The following CRIM1 variants were observed in gnomAD, a reference collection of about 807,000 sequenced individuals.
The protein encoded by CRIM1 is cysteine-rich motor neuron 1 protein.
CRIM1 carries 32 observed loss-of-function variants against 116.4 expected under a neutral mutation model. That is an observed-to-expected ratio of 0.27 (90% CI 0.21 to 0.37). The LOEUF is 0.37. Among genes scored for constraint, CRIM1 ranks in the 10% least tolerant of loss-of-function variants. The pLI is 1.00. For synonymous variants in CRIM1, 590 were observed against 509.2 expected, an observed-to-expected ratio of 1.16 and a Z score of -2.13; for missense variants, 1,331 against 1,354.8, an observed-to-expected ratio of 0.98 and a Z score of 0.28.
At chr2:36,378,364 G>A (rs1411170170) in intron 1 of CRIM1, 7 of 471,020 alleles carry the variant, frequency 1.5e-5, no homozygotes, top group East Asian at 6.9e-5. Context: ...TAGCTGCGGG[G>A]TATTGAATTT....
At position 36,402,397 on chromosome 2, in the gene CRIM1, C is replaced by T. The variant is rs914824150; in HGVS notation, c.505+5610C>T. Among the ~76,000 whole-genome samples, 3 of 135,030 alleles carry T rather than the reference C, an allele frequency of 2.2e-5. No homozygotes were observed. The Admixed American group carries it at 2.4e-4, about 11-fold the overall frequency. The allele number at this position is 135,030 out of a possible 152,430, so 88.6% of individuals were successfully genotyped here. A position where few individuals can be genotyped will look rare whatever the true frequency, so the allele number is the denominator to read the frequency against. ...GCAAAAGCTCTAAGGAGAGAACAAGCTTGGTGTGTTGAAGGACTAGCAAGA... is the reference window on the plus strand; with the variant it reads ...GCAAAAGCTCTAAGGAGAGAACAAGTTTGGTGTGTTGAAGGACTAGCAAGA... On this transcript the variant is annotated intron_variant, in intron 2 of 16. Coordinates refer to ENST00000280527, the MANE Select transcript of CRIM1 (RefSeq NM_016441.3).
chr2:36,364,178 G>C (rs965756006), intron 1 of CRIM1, among the ~76,000 whole-genome samples: 1 of 152,184 alleles, frequency 6.6e-6, no homozygotes, highest in African/African-American at 2.4e-5. Context: ...GATTAAGTTA[G>C]TCTGGGGTGA....
At chr2:36,468,071 T>C (rs929269158) in intron 5 of CRIM1, among the ~76,000 whole-genome samples, 14 of 152,324 alleles carry the variant, frequency 9.2e-5, no homozygotes, top group Admixed American at 7.2e-4. Flanking sequence ...CTTGGAACAT[T>C]GTTTCTCAAT....
intron 5 of CRIM1, among the ~76,000 whole-genome samples, chr2:36,468,626 T>A (rs1678235416): frequency 6.6e-6 from 1 of 152,202 alleles, no homozygotes; most frequent in South Asian, 2.1e-4. Flanking sequence ...GTAACAGCCC[T>A]CCACCTTCGT....
chr2:36,426,046 T>A lies in CRIM1; in HGVS notation c.506-15212T>A, dbSNP rs142946758. ...CATGAACTAGTCAAAACTGTTTTCT[T>A]TGTGAAAGAAGGCCTGGTGATGGGA... On this transcript the variant is annotated intron_variant, in intron 2 of 16. Coordinates refer to ENST00000280527, the MANE Select transcript of CRIM1 (RefSeq NM_016441.3). Among the ~76,000 whole-genome samples, 1,089 of 152,322 alleles carry A rather than the reference T, an allele frequency of 7.1e-3. 7 individuals carry two copies. Among genetic ancestry groups the A allele is most frequent in the Non-Finnish European group, 0.011 (739 of 68,028 alleles).
Position 36,356,758 on chromosome 2 carries a change from C to T in CRIM1, c.331+135C>T. On this transcript the variant is annotated intron_variant, in intron 1 of 16. Transcript: ENST00000280527. This position sits in a 1 kb window ranked among gnomAD's most constrained non-coding sequence, Gnocchi z 4.3. ...CGGGAAGAGGGGCGGCCGCCGCCCC[C>T]AGGAGAGTGCCCCCGCGGCCCTGCG... 1 of 811,366 alleles carries T rather than the reference C, an allele frequency of 1.2e-6. No individual in the cohort carries two copies. The highest frequency in any genetic ancestry group is 1.9e-6 in the Non-Finnish European group (1 of 528,968). The allele number at this position is 811,366 out of a possible 1,614,324, so 50.3% of individuals were successfully genotyped here.
At chr2:36,477,117 T>C (rs752520030) in intron 6 of CRIM1, 46 bp downstream of exon 6, 1 of 1,436,964 alleles carries the variant, frequency 7.0e-7, no homozygotes, top group Non-Finnish European at 9.4e-7. Flanking sequence ...ATACATGGTA[T>C]AGAGTTCTAA....
At chr2:36,396,063 T>C (rs1558536522) in intron 1 of CRIM1, among the ~76,000 whole-genome samples, 1 of 152,064 alleles carries the variant, frequency 6.6e-6, no homozygotes, top group African/African-American at 2.4e-5. Context: ...TGCACAACCA[T>C]TCCCAGCTAA....
intron 8 of CRIM1, among the ~76,000 whole-genome samples, chr2:36,508,667 A>G (rs531632401): frequency 5.5e-4 from 84 of 152,346 alleles, no homozygotes; most frequent in African/African-American, 1.8e-3. Flanking sequence ...TAATTCACAC[A>G]GGTCTCAACT....
chr2:36,432,311 T>C (rs1674955751), intron 2 of CRIM1, among the ~76,000 whole-genome samples: 1 of 152,190 alleles, frequency 6.6e-6, no homozygotes, highest in South Asian at 2.1e-4. Flanking sequence ...CTTATTTTAT[T>C]GCCAGATTTT....
At chr2:36,358,903 G>C (rs1316449723) in intron 1 of CRIM1, among the ~76,000 whole-genome samples, 2 of 152,232 alleles carry the variant, frequency 1.3e-5, no homozygotes, top group South Asian at 2.1e-4. Flanking sequence ...TACAATTTCA[G>C]TGTTTTCACT....
intron 7 of CRIM1, among the ~76,000 whole-genome samples, chr2:36,495,475 A>ATTTTTTTTTT (rs1024205619): frequency 7.7e-6 from 1 of 129,638 alleles, no homozygotes; most frequent in Non-Finnish European, 1.7e-5. Context: ...TTATTTATTT[A>ATTTTTTTTTT]TTTTTTTTTT....
At chr2:36,366,200 CTTTT>C (rs1000173908) in intron 1 of CRIM1, among the ~76,000 whole-genome samples, 1 of 151,696 alleles carries the variant, frequency 6.6e-6, no homozygotes. Flanking sequence ...TGGTTTACAA[CTTTT>C]TTTTTCCTTC....
At chr2:36,379,736 TTC>T (rs200798597) in intron 1 of CRIM1, among the ~76,000 whole-genome samples, 1 of 141,134 alleles carries the variant, frequency 7.1e-6, no homozygotes, top group Admixed American at 7.3e-5. Context: ...ATTTCTTTCT[TTC>T]TCTCTTTTTT....
intron 2 of CRIM1, among the ~76,000 whole-genome samples, chr2:36,407,637 T>C (rs1672907074): frequency 6.6e-6 from 1 of 151,076 alleles, no homozygotes; most frequent in South Asian, 2.1e-4. Flanking sequence ...TGAATAATTA[T>C]ACCTGCATTT....
chr2:36,476,838 A>G (rs1378835034), intron 5 of CRIM1, 51 bp from the exon 6 acceptor site: 3 of 1,477,376 alleles, frequency 2.0e-6, no homozygotes, highest in Non-Finnish European at 2.8e-6. Context: ...ATCAAAGGAC[A>G]CAACTAAAAA....
intron 1 of CRIM1, chr2:36,378,823 T>C (rs988554305): frequency 6.6e-6 from 1 of 152,520 alleles, no homozygotes; most frequent in Non-Finnish European, 1.4e-5. Flanking sequence ...TTTTTTTTTT[T>C]TTTGAGACGG....
chr2:36,511,510 C>A (rs1664678022), intron 9 of CRIM1, among the ~76,000 whole-genome samples: 1 of 152,144 alleles, frequency 6.6e-6, no homozygotes, highest in African/African-American at 2.4e-5. Context: ...GTAGTTGTAT[C>A]ACAATAGTAG....
chr2:36,439,909 T>C (rs1257873463), intron 2 of CRIM1, among the ~76,000 whole-genome samples: 1 of 152,206 alleles, frequency 6.6e-6, no homozygotes, highest in South Asian at 2.1e-4. Context: ...CTTTCCTCTT[T>C]ACTGACATAT....
Sources: allele counts gnomAD v4.1 joint callset (sites outside exome capture counted in the v4.1 genomes callset), GRCh38; gene constraint gnomAD v4.1.1; non-coding constraint Gnocchi (gnomAD v3.1); transcripts MANE v1.5; gene names NCBI Gene and HGNC (gene_info 2026-07-23, HGNC 2026-07-21).